NXN: variants seen among roughly 807,000 people sequenced by gnomAD.
NXN encodes nucleoredoxin 1.
In NXN, 16 loss-of-function variants were observed where a neutral mutation model predicts 48.6. The ratio of observed to expected loss-of-function variants is 0.33; its 90% CI spans 0.22 to 0.50. NXN has a LOEUF of 0.50. Among genes scored for constraint, NXN ranks in the 20% least tolerant of loss-of-function variants. NXN has a pLI of 0.98. For synonymous variants in NXN, 281 were observed against 269.6 expected, an observed-to-expected ratio of 1.04 and a Z score of -0.41; for missense variants, 492 against 605.5, an observed-to-expected ratio of 0.81 and a Z score of 1.97.
At chr17:922,853 G>GT (rs1301693181) in intron 1 of NXN, among the ~76,000 whole-genome samples, 1 of 151,846 alleles carries the variant, frequency 6.6e-6, no homozygotes, top group African/African-American at 2.4e-5. Flanking sequence ...GGGTTTCACC[G>GT]TATTAGCCAG....
At chr17:805,882 C>A (rs1192296697) in intron 5 of NXN, among the ~76,000 whole-genome samples, 1 of 152,034 alleles carries the variant, frequency 6.6e-6, no homozygotes, top group Admixed American at 6.6e-5. Flanking sequence ...AGGGTCATGG[C>A]GCATCGGAGC....
At chr17:807,204 C>T (rs1043046383) in intron 5 of NXN, among the ~76,000 whole-genome samples, 1 of 152,172 alleles carries the variant, frequency 6.6e-6, no homozygotes, top group Non-Finnish European at 1.5e-5. Flanking sequence ...CAGCTGGCCG[C>T]ACAGGAGCCC....
At chr17:814,354 C>T (rs1262338517) in intron 5 of NXN, among the ~76,000 whole-genome samples, 1 of 152,162 alleles carries the variant, frequency 6.6e-6, no homozygotes, top group African/African-American at 2.4e-5. Flanking sequence ...CCAGCAATAC[C>T]GGCAACCCAC....
intron 4 of NXN, among the ~76,000 whole-genome samples, chr17:820,337 C>T (rs188817763): frequency 3.4e-4 from 52 of 152,274 alleles, no homozygotes; most frequent in African/African-American, 1.2e-3. Flanking sequence ...TGTGGCCAGG[C>T]GTGGTGGCTC....
At chr17:823,052 A>G (rs992537846) in intron 3 of NXN, among the ~76,000 whole-genome samples, 7 of 150,828 alleles carry the variant, frequency 4.6e-5, no homozygotes, top group African/African-American at 1.7e-4. Context: ...GTGAGTTGAG[A>G]TTGTGCCACT....
At position 849,916 on chromosome 17, in the gene NXN, G is replaced by A. The variant is rs2067905991; in HGVS notation, c.361-23838C>T. Among the ~76,000 whole-genome samples the A allele has an allele frequency of 6.6e-6, 1 of 152,066 alleles. No homozygotes were observed. The highest frequency in any genetic ancestry group is 2.4e-5 in the African/African-American group (1 of 41,392). On this transcript the variant is annotated intron_variant, in intron 1 of 7. Transcript: ENST00000336868. The surrounding 1 kb of genome is among the most constrained non-coding windows in gnomAD (Gnocchi z 4.2). ...CGAGAGAAGCTGCAGAGCCCCCAAG[G>A]AGCCCGAGAGCGACCTGCTCCTGAA...
At chr17:973,353 C>T (rs1389896423) in intron 1 of NXN, among the ~76,000 whole-genome samples, 3 of 152,190 alleles carry the variant, frequency 2.0e-5, no homozygotes, top group African/African-American at 4.8e-5. Flanking sequence ...ACCTCTACAC[C>T]GCCCAGAGTT....
chr17:971,783 C>T (rs891552742), intron 1 of NXN, among the ~76,000 whole-genome samples: 3 of 152,048 alleles, frequency 2.0e-5, no homozygotes, highest in African/African-American at 4.8e-5. Flanking sequence ...TCTTGGAATA[C>T]GCATAAACGG....
chr17:892,654 G>A (rs2068435926), intron 1 of NXN, among the ~76,000 whole-genome samples: 2 of 152,142 alleles, frequency 1.3e-5, no homozygotes, highest in South Asian at 4.1e-4. Flanking sequence ...GGTGTGTGGG[G>A]GGGTGCTGTT....
chr17:940,807 G>A (rs1338874675), intron 1 of NXN, among the ~76,000 whole-genome samples: 2 of 150,798 alleles, frequency 1.3e-5, no homozygotes, highest in African/African-American at 5.0e-5. Flanking sequence ...AGATTCCAGG[G>A]TGCAGCTATG....
At chr17:912,878 C>T (rs1272217415) in intron 1 of NXN, among the ~76,000 whole-genome samples, 1 of 151,930 alleles carries the variant, frequency 6.6e-6, no homozygotes, top group East Asian at 1.9e-4. Flanking sequence ...CGCTTGAACC[C>T]GGGAGATGGA....
chr17:833,931 C>G (rs558874337), intron 1 of NXN, among the ~76,000 whole-genome samples: 2 of 152,210 alleles, frequency 1.3e-5, no homozygotes, highest in African/African-American at 4.8e-5. Context: ...CTCCCACTGT[C>G]GCTGTGTTCC....
At chr17:863,899 A>C in intron 1 of NXN, 12 of 1,366,572 alleles carry the variant, frequency 8.8e-6, no homozygotes, top group Non-Finnish European at 1.2e-5. Flanking sequence ...AGAGCTCTGT[A>C]GAGGTTTATG....
chr17:841,194 C>T (rs550289411), intron 1 of NXN, among the ~76,000 whole-genome samples: 13 of 152,348 alleles, frequency 8.5e-5, no homozygotes, highest in Admixed American at 4.6e-4. Context: ...AGCACTCACA[C>T]GTGAATACTT....
intron 5 of NXN, among the ~76,000 whole-genome samples, chr17:811,914 G>C (rs948180608): frequency 9.4e-5 from 13 of 138,034 alleles, no homozygotes; most frequent in Non-Finnish European, 1.4e-4. Flanking sequence ...CGGTTACCCA[G>C]TTCTGCTTTT....
chr17:847,336 C>T (rs1394388202), intron 1 of NXN, among the ~76,000 whole-genome samples: 1 of 152,010 alleles, frequency 6.6e-6, no homozygotes, highest in African/African-American at 2.4e-5. Flanking sequence ...GAAGTCCCCA[C>T]TGAGCCCTGG....
chr17:805,982 G>A (rs575136884), intron 5 of NXN, among the ~76,000 whole-genome samples: 4 of 152,086 alleles, frequency 2.6e-5, no homozygotes, highest in Admixed American at 6.5e-5. Context: ...GTGACCACAC[G>A]GCGGACTTGC....
At chr17:820,584 C>T (rs1242691797) in intron 4 of NXN, among the ~76,000 whole-genome samples, 1 of 92,930 alleles carries the variant, frequency 1.1e-5, no homozygotes, top group Non-Finnish European at 2.0e-5. Context: ...TGCACTCCAG[C>T]CCGGGCGACA....
chr17:841,218 T>C (rs1368823998), intron 1 of NXN, among the ~76,000 whole-genome samples: 1 of 152,210 alleles, frequency 6.6e-6, no homozygotes, highest in African/African-American at 2.4e-5. Context: ...ATGTGGGCCC[T>C]TCCAGATGCT....
Sources: allele counts gnomAD v4.1 joint callset (sites outside exome capture counted in the v4.1 genomes callset), GRCh38; gene constraint gnomAD v4.1.1; non-coding constraint Gnocchi (gnomAD v3.1); transcripts MANE v1.5; gene names NCBI Gene and HGNC (gene_info 2026-07-23, HGNC 2026-07-21).